Variants in TUBGCP4 observed in about 807,000 individuals in gnomAD.
TUBGCP4 encodes tubulin gamma complex component 4.
TUBGCP4 carries 54 observed loss-of-function variants against 91.6 expected under a neutral mutation model. That is an observed-to-expected ratio of 0.59 (90% CI 0.47 to 0.74). The LOEUF (loss-of-function observed/expected upper bound fraction) is 0.74. TUBGCP4 is among the 30% of genes least tolerant of loss of function. The pLI, the probability that TUBGCP4 is intolerant of heterozygous loss-of-function variation, is 0.00. For synonymous variants in TUBGCP4, 297 were observed against 302.8 expected (o/e 0.98, Z 0.20); for missense variants, 593 against 800.9 (o/e 0.74, Z 3.13).
Position 43,406,486 on chromosome 15 carries a change from C to CATT in TUBGCP4, c.*1273_*1275dup, listed in dbSNP as rs2044887016. ...AGTTTTACTGAAACACAGCCATGCC[C>CATT]ATTTGTTTACTCATTGTCTATGGTT... On this transcript the variant is annotated 3_prime_UTR_variant, in exon 18 of 18. Transcript: ENST00000564079. 2.4e-6 allele frequency: 1 copy of CATT among 408,774 alleles called. No homozygotes were observed. The highest frequency in any genetic ancestry group is 7.4e-5 in the East Asian group (1 of 13,504). 25.3% of individuals were successfully genotyped at this position (408,774 alleles called of 1,614,324 possible).
intron 3 of TUBGCP4, 117 bp from the exon 4 acceptor site, chr15:43,376,897 C>T: frequency 1.0e-6 from 1 of 999,536 alleles, no homozygotes; most frequent in Non-Finnish European, 1.5e-6. Context: ...ATTATCAGTT[C>T]TCGATAGCCT....
At position 43,376,643 on chromosome 15, in the gene TUBGCP4, T is replaced by C. The variant is rs528893104; in HGVS notation, c.330+18T>C. The C allele has an allele frequency of 2.9e-5, 46 of 1,613,972 alleles. No individual in the cohort carries two copies. The Admixed American group carries it at 3.2e-4, about 11-fold the overall frequency. ...AACAAGAGGTAAGAAGGAGGAGATA[T>C]AGGAAACACCTCTGGGACAGTAGAT... On this transcript the variant is annotated intron_variant, in intron 3 of 17. Coordinates refer to ENST00000564079, the MANE Select transcript of TUBGCP4 (RefSeq NM_014444.5).
Position 43,407,750 on chromosome 15 carries a change from G to A in TUBGCP4, c.*2536G>A, listed in dbSNP as rs2044960019. ...GTTATAATCACTATGTGCTGACCTT[G>A]TAGAAATATTTAACAAATATACGTC... On this transcript the variant is annotated 3_prime_UTR_variant, in exon 18 of 18. Transcript: ENST00000564079. The A allele has an allele frequency of 1.3e-6, 1 of 783,822 alleles. No individual in the cohort carries two copies. Among genetic ancestry groups the A allele is most frequent in the South Asian group, 1.9e-5 (1 of 52,300 alleles). 48.6% of individuals were successfully genotyped at this position (783,822 alleles called of 1,614,324 possible).
intron 6 of TUBGCP4, among the ~76,000 whole-genome samples, chr15:43,380,773 A>G (rs1056753334): frequency 6.6e-6 from 1 of 152,226 alleles, no homozygotes; most frequent in African/African-American, 2.4e-5. Context: ...ATAAATATGT[A>G]CTGACAAATG....
chr15:43,395,530 T>C, intron 10 of TUBGCP4, 53 bp from the exon 11 acceptor site: 1 of 1,314,426 alleles, frequency 7.6e-7, no homozygotes, highest in Admixed American at 1.7e-5. Flanking sequence ...CTCAGGACAG[T>C]GAGGAGCTCC....
chr15:43,398,462 C>G (rs1229452861), intron 13 of TUBGCP4: 7 of 258,654 alleles, frequency 2.7e-5, no homozygotes, highest in Non-Finnish European at 4.4e-5. Flanking sequence ...AAATTGTAAA[C>G]CCTTATGCCT....
intron 6 of TUBGCP4, 48 bp downstream of exon 6, chr15:43,380,211 A>G: frequency 6.8e-7 from 1 of 1,469,950 alleles, no homozygotes; most frequent in Non-Finnish European, 9.5e-7. Context: ...GGGTGGTCAA[A>G]TTATTTGACT....
chr15:43,371,212 T>C lies in TUBGCP4; in HGVS notation c.-143T>C. ...TTCCCGTCCGCTCCGCCGCAGCGAT[T>C]GTCTCGGTGGGTTGATTCGGCACAA... is the stretch of plus-strand genomic sequence containing the variant. On this transcript the variant is annotated 5_prime_UTR_variant, in exon 1 of 18. Transcript: ENST00000564079. The C allele has an allele frequency of 1.3e-6, 1 of 790,802 alleles. No individual in the cohort carries two copies. Among genetic ancestry groups the C allele is most frequent in the Non-Finnish European group, 2.0e-6 (1 of 491,518 alleles). 49.0% of individuals were successfully genotyped at this position (790,802 alleles called of 1,614,324 possible). A position where few individuals can be genotyped will look rare whatever the true frequency, so the allele number is the denominator to read the frequency against.
rs1161468361 is a variant in TUBGCP4 at position 43,407,251 on chromosome 15, TA to T, written c.*2041del. 1.3e-5 allele frequency: 10 copies of T among 747,212 alleles called. No homozygotes were observed. The East Asian group carries it at 2.1e-4, about 16-fold the overall frequency. 46.3% of individuals were successfully genotyped at this position (747,212 alleles called of 1,614,324 possible). A position where few individuals can be genotyped will look rare whatever the true frequency, so the allele number is the denominator to read the frequency against. On this transcript the variant is annotated 3_prime_UTR_variant, in exon 18 of 18. Transcript: ENST00000564079. ...AAGAGATTCAACATTTATTTTATCATAAAAGTTCAGCAAATAAAACTATATA... is the reference window on the plus strand; with the variant it reads ...AAGAGATTCAACATTTATTTTATCATAAAGTTCAGCAAATAAAACTATATA...
rs753923472 is a variant in TUBGCP4, at chr15:43,371,437, T to C, written c.78+5T>C. The C allele has an allele frequency of 1.9e-6, 3 of 1,613,918 alleles. No individual in the cohort carries two copies. The highest frequency in any genetic ancestry group is 2.5e-6 in the Non-Finnish European group (3 of 1,179,910). On this transcript the variant is annotated splice_donor_5th_base_variant and intron_variant, in intron 1 of 17. Transcript: ENST00000564079. ...AACAAGCGGAGTGGCCTGCAGGTAC[T>C]GTCCGGCGCAGAGCGCGGGAACCAG...
At chr15:43,383,210 T>G in intron 6 of TUBGCP4, 93 bp from the exon 7 acceptor site, 1 of 1,032,212 alleles carries the variant, frequency 9.7e-7, no homozygotes, top group Non-Finnish European at 1.4e-6. Context: ...AATTGGTTAT[T>G]TCTGTTATGA....
chr15:43,403,060 GTCA>G (rs1306031658), intron 15 of TUBGCP4: 1 of 152,190 alleles, frequency 6.6e-6, no homozygotes, highest in Non-Finnish European at 1.5e-5. Context: ...AACAGAGCAG[GTCA>G]TCATCATTAA....
chr15:43,396,762 G>A (rs2044587579), intron 11 of TUBGCP4, among the ~76,000 whole-genome samples: 1 of 152,116 alleles, frequency 6.6e-6, no homozygotes, highest in Non-Finnish European at 1.5e-5. Flanking sequence ...CTGTATGGTA[G>A]CAAGATAGTC....
At position 43,406,909 on chromosome 15, in the gene TUBGCP4, A is replaced by C. The variant is rs536955291; in HGVS notation, c.*1695A>C. The C allele has an allele frequency of 4.0e-6, 1 of 248,806 alleles. No homozygotes were observed. Among genetic ancestry groups the C allele is most frequent in the South Asian group, 5.0e-5 (1 of 19,958 alleles). 15.4% of individuals were successfully genotyped at this position (248,806 alleles called of 1,614,324 possible). ...AGCTGTGATCTCAGCTCAGAGAGAG[A>C]GCATGAGGTCTTTTTTAACTGTCAG... is the stretch of plus-strand genomic sequence containing the variant. On this transcript the variant is annotated 3_prime_UTR_variant, in exon 18 of 18. Coordinates refer to ENST00000564079, the MANE Select transcript of TUBGCP4 (RefSeq NM_014444.5).
At chr15:43,379,024 A>T (rs1014774988) in intron 5 of TUBGCP4, among the ~76,000 whole-genome samples, 2 of 152,244 alleles carry the variant, frequency 1.3e-5, no homozygotes, top group African/African-American at 4.8e-5. Context: ...TTGGCCTTCA[A>T]CTTCCGCTGG....
chr15:43,383,469 C>A lies in TUBGCP4; in HGVS notation c.688C>A (p.Leu230Met). Residue 230 changes from leucine to methionine, a missense_variant, in exon 7 of 18, where the codon CTG becomes ATG. Leu to Met is a conservative substitution (Grantham distance 15). Coordinates refer to ENST00000564079, the MANE Select transcript of TUBGCP4 (RefSeq NM_014444.5). ...CGAGGAGGATCTGGGCATTGGGGGA[C>A]TGACAGGAAAACAACTGAGAGAACT... is the stretch of plus-strand genomic sequence containing the variant. ...EDEEDLGIGGLTGKQLRELQD... is the reference protein window; with the variant it reads ...EDEEDLGIGGMTGKQLRELQD... The A allele has an allele frequency of 6.2e-7, 1 of 1,612,734 alleles. No homozygotes were observed. Among genetic ancestry groups the A allele is most frequent in the Non-Finnish European group, 8.5e-7 (1 of 1,179,396 alleles).
Position 43,409,757 on chromosome 15 carries a change from AAAC to A in TUBGCP4, c.*4544_*4546del. On this transcript the variant is annotated 3_prime_UTR_variant, in exon 18 of 18. Coordinates refer to ENST00000564079, the MANE Select transcript of TUBGCP4 (RefSeq NM_014444.5). ...TCCAAAAATTCTATATTAAAAAAAA[AAAC>A]CAAGATAATAATTACTGAGTGGTTT... 1 of 1,354,356 alleles carries A rather than the reference AAAC, an allele frequency of 7.4e-7. No individual in the cohort carries two copies. The highest frequency in any genetic ancestry group is 1.0e-6 in the Non-Finnish European group (1 of 986,328). 83.9% of individuals were successfully genotyped at this position (1,354,356 alleles called of 1,614,324 possible).
chr15:43,382,999 A>T (rs1329716838), intron 6 of TUBGCP4, among the ~76,000 whole-genome samples: 1 of 152,150 alleles, frequency 6.6e-6, no homozygotes, highest in Non-Finnish European at 1.5e-5. Context: ...TTTATTTTTT[A>T]TTGCTATAAA....
chr15:43,403,684 T>C lies in TUBGCP4; in HGVS notation c.1733T>C (p.Val578Ala), dbSNP rs543973163. The C allele has an allele frequency of 8.7e-6, 14 of 1,609,636 alleles. No homozygotes were observed. The highest frequency in any genetic ancestry group is 1.2e-5 in the Non-Finnish European group (14 of 1,177,658). Residue 578 changes from valine to alanine, a missense_variant and splice_region_variant, in exon 16 of 18, where the codon GTG (valine) becomes GCG (alanine). Val to Ala is a moderately conservative substitution (Grantham distance 64). Coordinates refer to ENST00000564079, the MANE Select transcript of TUBGCP4 (RefSeq NM_014444.5). ...LAQSFILLKP[V>A]FHCLNEILDL... ...ATGCCAACTCTGTTTCCCGGGTAGG[T>C]GTTTCACTGCCTGAATGAAATCCTA... is the stretch of plus-strand genomic sequence containing the variant.
Sources: allele counts gnomAD v4.1 joint callset (sites outside exome capture counted in the v4.1 genomes callset), GRCh38; gene constraint gnomAD v4.1.1; transcripts MANE v1.5; gene names NCBI Gene and HGNC (gene_info 2026-07-23, HGNC 2026-07-21).